The following MACF1 variants were observed in gnomAD, a reference collection of about 807,000 sequenced individuals.
MACF1 encodes the protein microtubule-actin cross-linking factor 1.
MACF1 carries 193 observed loss-of-function variants against 854.8 expected under a neutral mutation model. The observed-to-expected ratio is 0.23, with a 90% confidence interval of 0.20 to 0.25. The LOEUF is 0.25. Among genes scored for constraint, MACF1 ranks in the 10% least tolerant of loss-of-function variants. The pLI, the probability that MACF1 is intolerant of heterozygous loss-of-function variation, is 1.00. For synonymous variants in MACF1, 3,185 were observed against 3,226.7 expected, an observed-to-expected ratio of 0.99 and a Z score of 0.44; for missense variants, 7,722 against 8,929.1, an observed-to-expected ratio of 0.86 and a Z score of 5.45.
intron 6 of MACF1, among the ~76,000 whole-genome samples, chr1:39,275,954 T>C (rs1337723680): frequency 1.3e-5 from 2 of 151,774 alleles, no homozygotes; most frequent in Middle Eastern, 3.2e-3. Context: ...AGAATCTTGC[T>C]CTGACACCTG....
chr1:39,322,467 G>T, intron 31 of MACF1, 141 bp from the exon 32 acceptor site: 1 of 655,828 alleles, frequency 1.5e-6, no homozygotes. Flanking sequence ...TTTCTGTCTG[G>T]CCTTTTACAG....
At position 39,410,065 on chromosome 1, in the gene MACF1, G is replaced by C. The variant is rs1468577100; in HGVS notation, c.15817-12309G>C. The C allele has an allele frequency of 6.5e-6, 3 of 462,646 alleles. No homozygotes were observed. In the East Asian group the frequency reaches 9.4e-5, roughly 15 times the overall value. The allele number at this position is 462,646 out of a possible 1,614,324, so 28.7% of individuals were successfully genotyped here. A position where few individuals can be genotyped will look rare whatever the true frequency, so the allele number is the denominator to read the frequency against. ...CTGTCAACCATGAGGCTGCTAGCCT[G>C]TGAGGAAAAAGCTGTTTGTCTTAGA... On this transcript the variant is annotated intron_variant, in intron 58 of 100. Coordinates refer to ENST00000564288, the MANE Select transcript of MACF1 (RefSeq NM_001394062.1).
chr1:39,307,901 C>CTTTTTTTTTTTTTTTTTTTTTTT (rs34930273), intron 23 of MACF1, among the ~76,000 whole-genome samples: 11 of 50,404 alleles, frequency 2.2e-4, no homozygotes, highest in Non-Finnish European at 2.9e-4. Flanking sequence ...TTCTTTCTTT[C>CTTTTTTTTTTTTTTTTTTTTTTT]TTTTTTTTTT....
At chr1:39,236,540 GT>G (rs1399319856) in intron 2 of MACF1, among the ~76,000 whole-genome samples, 5 of 152,184 alleles carry the variant, frequency 3.3e-5, no homozygotes, top group African/African-American at 1.2e-4. Context: ...CATCCAGAGT[GT>G]TTATATACAT....
chr1:39,139,018 G>C (rs77110541), intron 2 of MACF1, among the ~76,000 whole-genome samples: 3,029 of 152,270 alleles, frequency 0.02, 109 homozygotes, highest in African/African-American at 0.07. Context: ...AGGAATAACA[G>C]TATCATTTTC....
At chr1:39,299,820 T>C (rs577561740) in intron 21 of MACF1, among the ~76,000 whole-genome samples, 1 of 152,340 alleles carries the variant, frequency 6.6e-6, no homozygotes, top group South Asian at 2.1e-4. Flanking sequence ...CAGTGAGAAA[T>C]TGACTAATAA....
At position 39,331,817 on chromosome 1, in the gene MACF1, C is replaced by G; in HGVS notation, c.5229C>G (p.Gly1743=). The G allele has an allele frequency of 6.2e-7, 1 of 1,614,006 alleles. No homozygotes were observed. Among genetic ancestry groups the G allele is most frequent in the Non-Finnish European group, 8.5e-7 (1 of 1,180,000 alleles). The stretch of plus-strand genomic sequence containing the variant: ...GGGGGATGGTGAGCTTGAAATCAGG[C>G]CGGAAGGTTAGCATTTTCCGTGCAG... ...LAGGMVSLKS[G]RKVSIFRAVQ... The change falls in exon 37 of 101, where the codon GGC becomes GGG. Residue 1743 remains glycine, a synonymous_variant. Transcript: ENST00000564288.
In MACF1 at chr1:39,359,129, A is replaced by G. The variant is rs201459762; in HGVS notation, c.12121-12A>G. ...TAGATGTTTTTCTTTTGTTTTTTTCATGGACAAGCAGCAGTTGCAGGAGGA... is the reference window on the plus strand; with the variant it reads ...TAGATGTTTTTCTTTTGTTTTTTTCGTGGACAAGCAGCAGTTGCAGGAGGA... On this transcript the variant is annotated splice_polypyrimidine_tract_variant and intron_variant, in intron 46 of 100. Transcript: ENST00000564288. The G allele has an allele frequency of 3.1e-3, 5,056 of 1,612,736 alleles. 35 individuals are homozygous for G. The highest frequency in any genetic ancestry group is 0.016 in the South Asian group (1,467 of 91,004).
intron 52 of MACF1, chr1:39,373,100 ATTG>A: frequency 6.0e-6 from 1 of 167,128 alleles, no homozygotes. Flanking sequence ...AAGTCAGGAG[ATTG>A]AGACCATCCT....
chr1:39,209,169 G>A (rs565999035), intron 1 of MACF1, among the ~76,000 whole-genome samples: 6 of 149,836 alleles, frequency 4.0e-5, no homozygotes, highest in Non-Finnish European at 8.9e-5. Context: ...GCAGTGAGCC[G>A]AGATCTCACC....
In MACF1 at chr1:39,479,779, GTGTT is replaced by G. The variant is rs1557676528; in HGVS notation, c.21959-17_21959-14del. 4 of 1,603,318 alleles carry G rather than the reference GTGTT, an allele frequency of 2.5e-6. No individual in the cohort carries two copies. The highest frequency in any genetic ancestry group is 2.7e-5 in the African/African-American group (2 of 74,742). On this transcript the variant is annotated splice_polypyrimidine_tract_variant and intron_variant, in intron 97 of 100. Transcript: ENST00000564288. The stretch of plus-strand genomic sequence containing the variant: ...TTTTAGAAGAACTGACATTGTGTGT[GTGTT>G]TATTTCCTTTTTAGCACGAGGTAGA...
chr1:39,145,363 T>C (rs1237758945), intron 2 of MACF1, among the ~76,000 whole-genome samples: 1 of 152,208 alleles, frequency 6.6e-6, no homozygotes, highest in African/African-American at 2.4e-5. Context: ...CCACATTCCC[T>C]CCTATTTCAG....
intron 2 of MACF1, among the ~76,000 whole-genome samples, chr1:39,115,608 G>A (rs1318817770): frequency 6.6e-6 from 1 of 152,164 alleles, no homozygotes; most frequent in Admixed American, 6.5e-5. Context: ...GGAGGTAGTT[G>A]GTTGTAATGA....
chr1:39,359,159 G>A lies in MACF1; in HGVS notation c.12139G>A (p.Ala4047Thr). 1.2e-6 allele frequency: 2 copies of A among 1,614,002 alleles called. No individual in the cohort carries two copies. The highest frequency in any genetic ancestry group is 1.7e-6 in the Non-Finnish European group (2 of 1,179,980). Residue 4047 changes from alanine (A) to threonine (T), a missense_variant, in exon 47 of 101, where the codon GCT (alanine) becomes ACT (threonine). Ala to Thr is a moderately conservative substitution (Grantham distance 58). This residue lies in a region of MACF1 where 2,807 missense variants were observed against 3,235.8 expected (regional missense o/e 0.87). Transcript: ENST00000564288. ...ATTKQLQEEL[A>T]EHQVPVEKLQ... ...CAAGCAGCAGTTGCAGGAGGAATTG[G>A]CTGAGCACCAAGTACCTGTGGAAAA...
At chr1:39,481,307 A>T (rs1477640683) in intron 99 of MACF1, among the ~76,000 whole-genome samples, 1 of 152,248 alleles carries the variant, frequency 6.6e-6, no homozygotes, top group Non-Finnish European at 1.5e-5. Flanking sequence ...TCATTGCTGT[A>T]GATTTGTTTA....
At chr1:39,111,049 A>G (rs562428439) in intron 2 of MACF1, among the ~76,000 whole-genome samples, 11 of 152,212 alleles carry the variant, frequency 7.2e-5, no homozygotes, top group Non-Finnish European at 1.0e-4. Flanking sequence ...ATAATTATAT[A>G]TTGAGCCATG....
chr1:39,234,824 GA>G, intron 2 of MACF1, among the ~76,000 whole-genome samples: 1 of 41,788 alleles, frequency 2.4e-5, no homozygotes, highest in East Asian at 9.9e-4. Flanking sequence ...TCACCTCCCA[GA>G]CGGGGTCGCG....
In MACF1 at chr1:39,232,746, G is replaced by GTT. The variant is rs10712180; in HGVS notation, c.171+1524_171+1525dup. Among the ~76,000 whole-genome samples, 538 of 128,294 alleles carry GTT rather than the reference G, an allele frequency of 4.2e-3. 7 individuals are homozygous for GTT. Among genetic ancestry groups the GTT allele is most frequent in the African/African-American group, 9.5e-3 (327 of 34,346 alleles). The allele number at this position is 128,294 out of a possible 152,430, so 84.2% of individuals were successfully genotyped here. A position where few individuals can be genotyped will look rare whatever the true frequency, so the allele number is the denominator to read the frequency against. Reference sequence around the variant, plus strand: ...AGAAAACTACTCTCATACTCTCTTTGTTTTTTTTTTTTTTTTTTTTTTGTT... The same window carrying GTT: ...AGAAAACTACTCTCATACTCTCTTTGTTTTTTTTTTTTTTTTTTTTTTTTGTT... On this transcript the variant is annotated intron_variant, in intron 2 of 100. Coordinates refer to ENST00000564288, the MANE Select transcript of MACF1 (RefSeq NM_001394062.1).
At chr1:39,437,632 A>C in intron 70 of MACF1, 145 bp from the exon 71 acceptor site, 1 of 745,696 alleles carries the variant, frequency 1.3e-6, no homozygotes, top group East Asian at 2.7e-5. Context: ...TCTTAACCAA[A>C]CTCAACACTT....
Sources: gnomAD v4.1 joint callset for allele counts (sites outside exome capture counted in the v4.1 genomes callset) on GRCh38, gnomAD v4.1.1 for gene constraint, gnomAD v4.1.1 regional missense constraint, MANE v1.5 for transcripts, NCBI Gene and HGNC (gene_info 2026-07-23, HGNC 2026-07-21) for gene names.